OGFOD3: variants seen among roughly 807,000 people sequenced by gnomAD.
The protein encoded by OGFOD3 is 2-oxoglutarate and iron dependent oxygenase domain containing 3, also known as 2-oxoglutarate and iron-dependent oxygenase domain-containing protein 3.
A neutral mutation model predicts 39.8 loss-of-function variants in OGFOD3; 35 were observed. The observed-to-expected ratio is 0.88, with a 90% confidence interval of 0.67 to 1.17. The LOEUF (loss-of-function observed/expected upper bound fraction) is 1.17. Ranked by LOEUF, OGFOD3 falls within the 50% of genes most tolerant of loss-of-function variation. The pLI, the probability that OGFOD3 is intolerant of heterozygous loss-of-function variation, is 0.00. For missense variants in OGFOD3, 438 were observed against 454.5 expected, an observed-to-expected ratio of 0.96 and a Z score of 0.33; for synonymous variants, 200 against 192.0, an observed-to-expected ratio of 1.04 and a Z score of -0.34.
chr17:82,397,524 C>T (rs1293532381), intron 8 of OGFOD3, among the ~76,000 whole-genome samples: 5 of 151,972 alleles, frequency 3.3e-5, no homozygotes, highest in Admixed American at 6.6e-5. Context: ...GGGTCAGGGC[C>T]GTGGGCTCCA....
At chr17:82,418,391 C>T (rs761598896) in intron 1 of OGFOD3, 21 bp downstream of exon 1, 2 of 1,468,084 alleles carry the variant, frequency 1.4e-6, no homozygotes, top group Non-Finnish European at 1.8e-6. Flanking sequence ...CAGCGCGCGC[C>T]CTTCCCCTCC....
Position 82,415,476 on chromosome 17 carries a change from G to A in OGFOD3, c.226C>T (p.Arg76Cys), listed in dbSNP as rs892042575. 7 of 1,613,900 alleles carry A rather than the reference G, an allele frequency of 4.3e-6. No homozygotes were observed. The highest frequency in any genetic ancestry group is 1.6e-4 in the Middle Eastern group (1 of 6,062). ...CTCCCTGCCACGACCTCGCCACGGC[G>A]GGCCAGGACCTCTGCGACCCCGTCG... The part of the protein sequence containing the change: ...ADDGVAEVLA[R>C]RGEVVAGRFI... Residue 76 changes from arginine to cysteine, a missense_variant, in exon 2 of 9, where the codon CGC becomes TGC. By Grantham distance (180) the Arg-to-Cys change is radical (BLOSUM62 -3). Coordinates refer to ENST00000313056, the MANE Select transcript of OGFOD3 (RefSeq NM_024648.3). This position sits in a 1 kb window ranked among gnomAD's most constrained non-coding sequence, Gnocchi z 5.3.
chr17:82,400,527 GA>G (rs2052747890), intron 7 of OGFOD3, among the ~76,000 whole-genome samples: 1 of 152,212 alleles, frequency 6.6e-6, no homozygotes, highest in Non-Finnish European at 1.5e-5. Flanking sequence ...ACAACTGACA[GA>G]ATGCGGTATT....
chr17:82,394,492 G>A lies in OGFOD3; in HGVS notation c.824-1958C>T, dbSNP rs141341501. 4.3e-5 allele frequency: 70 copies of A among 1,613,744 alleles called. No individual in the cohort carries two copies. In the African/African-American group the frequency reaches 5.9e-4, roughly 14 times the overall value. On this transcript the variant is annotated intron_variant, in intron 8 of 8. Transcript: ENST00000313056. ...CGCACCAGCAGCTTCACTGGCTCTCGGTCCATTAACTTCTTGGAACCCACA... is the reference window on the plus strand; with the variant it reads ...CGCACCAGCAGCTTCACTGGCTCTCAGTCCATTAACTTCTTGGAACCCACA...
intron 5 of OGFOD3, among the ~76,000 whole-genome samples, 191 bp from the exon 6 acceptor site, chr17:82,405,571 C>A (rs1034144355): frequency 6.6e-6 from 1 of 152,104 alleles, no homozygotes; most frequent in African/African-American, 2.4e-5. Context: ...TCCCAGCACT[C>A]TGGGAGGCCG....
chr17:82,403,824 A>G lies in OGFOD3; in HGVS notation c.699+113T>C, dbSNP rs749252438. 84 of 1,340,492 alleles carry G rather than the reference A, an allele frequency of 6.3e-5. No individual in the cohort carries two copies. The Middle Eastern group carries it at 1.3e-3, about 20-fold the overall frequency. 83.0% of individuals were successfully genotyped at this position (1,340,492 alleles called of 1,614,324 possible). On this transcript the variant is annotated intron_variant, in intron 7 of 8. Transcript: ENST00000313056. Reference sequence around the variant, plus strand: ...GTACGCACTCACCCTGCCCACGGGCACGCTCACCTTGTCCACGAGCGCGCT... The same window carrying G: ...GTACGCACTCACCCTGCCCACGGGCGCGCTCACCTTGTCCACGAGCGCGCT...
intron 8 of OGFOD3, among the ~76,000 whole-genome samples, chr17:82,395,581 GGAGGCC>G (rs1224844269): frequency 2.6e-5 from 4 of 152,228 alleles, no homozygotes; most frequent in African/African-American, 9.6e-5. Context: ...CAGCACTTTG[GGAGGCC>G]GAGGCGGGTG....
At position 82,405,304 on chromosome 17, in the gene OGFOD3, C is replaced by A. The variant is rs756339395; in HGVS notation, c.545+20G>T. On this transcript the variant is annotated intron_variant, in intron 6 of 8. Coordinates refer to ENST00000313056, the MANE Select transcript of OGFOD3 (RefSeq NM_024648.3). ...AGGCCACCCCGCCTGCGAACCCCCA[C>A]CCGCCTCACTCCTCCTTACCGGTAT... 3 of 1,611,892 alleles carry A rather than the reference C, an allele frequency of 1.9e-6. No individual in the cohort carries two copies. Among genetic ancestry groups the A allele is most frequent in the Admixed American group, 1.7e-5 (1 of 59,954 alleles).
chr17:82,409,653 T>C (rs1368045244), intron 3 of OGFOD3, among the ~76,000 whole-genome samples: 1 of 152,210 alleles, frequency 6.6e-6, no homozygotes, highest in African/African-American at 2.4e-5. Flanking sequence ...CTTCAGCACC[T>C]TGGGAGGCCA....
Position 82,390,435 on chromosome 17 carries a change from G to A in OGFOD3, c.*1963C>T, listed in dbSNP as rs144970901. 2.6e-3 allele frequency: 399 copies of A among 152,516 alleles called. 1 individual carries two copies. The highest frequency in any genetic ancestry group is 0.014 in the Middle Eastern group (4 of 294). 9.4% of individuals were successfully genotyped at this position (152,516 alleles called of 1,614,324 possible). A position where few individuals can be genotyped will look rare whatever the true frequency, so the allele number is the denominator to read the frequency against. On this transcript the variant is annotated 3_prime_UTR_variant, in exon 9 of 9. Coordinates refer to ENST00000313056, the MANE Select transcript of OGFOD3 (RefSeq NM_024648.3). This position sits in a 1 kb window ranked among gnomAD's most constrained non-coding sequence, Gnocchi z 4.9. ...GTGAAGCAGCCGGCCCCGCAAGGAC[G>A]GCTTTGGCCACCAACCGGAGGTGGG...
Position 82,404,353 on chromosome 17 carries a change from T to G in OGFOD3, c.546-263A>C, listed in dbSNP as rs1388642120. 2.0e-5 allele frequency among the ~76,000 whole-genome samples: 3 copies of G among 152,140 alleles called. No individual in the cohort carries two copies. Among genetic ancestry groups the G allele is most frequent in the African/African-American group, 7.2e-5 (3 of 41,432 alleles). On this transcript the variant is annotated intron_variant, in intron 6 of 8. Transcript: ENST00000313056. This position sits in a 1 kb window ranked among gnomAD's most constrained non-coding sequence, Gnocchi z 4.5. ...AGAAGGGGGCCTGCAGGACCAACGC[T>G]GGGGAGGCTGGTGTGGAGTCAGGCC...
chr17:82,405,768 G>A (rs1056470610), intron 5 of OGFOD3, among the ~76,000 whole-genome samples: 6 of 152,032 alleles, frequency 3.9e-5, no homozygotes, highest in Admixed American at 6.6e-5. Flanking sequence ...TGGCCAACAT[G>A]GCACAACCCC....
intron 3 of OGFOD3, among the ~76,000 whole-genome samples, chr17:82,410,266 G>A (rs572994426): frequency 2.2e-4 from 34 of 152,346 alleles, no homozygotes; most frequent in Middle Eastern, 3.4e-3. Flanking sequence ...GTAACCCTGC[G>A]TGGAGCTAGG....
chr17:82,408,324 G>T (rs981922636), intron 4 of OGFOD3, among the ~76,000 whole-genome samples: 5 of 152,116 alleles, frequency 3.3e-5, no homozygotes, highest in African/African-American at 1.2e-4. Context: ...AATTCAAAGC[G>T]ATCACCAAAT....
chr17:82,401,144 CTTT>C (rs10711493), intron 7 of OGFOD3: 29 of 131,122 alleles, frequency 2.2e-4, no homozygotes, highest in East Asian at 6.6e-4. Context: ...TTGGGTTTAC[CTTT>C]TTTTTTTTTT....
chr17:82,403,827 C>T (rs2052805668), intron 7 of OGFOD3, 110 bp downstream of exon 7: 5 of 1,451,500 alleles, frequency 3.4e-6, no homozygotes, highest in Non-Finnish European at 4.7e-6. Context: ...CACGGGCACG[C>T]TCACCTTGTC....
At position 82,392,497 on chromosome 17, in the gene OGFOD3, T is replaced by C; in HGVS notation, c.861A>G (p.Leu287=). The C allele has an allele frequency of 6.2e-7, 1 of 1,603,970 alleles. No individual in the cohort carries two copies. The highest frequency in any genetic ancestry group is 8.5e-7 in the Non-Finnish European group (1 of 1,175,844). ...VSFFTSGSEN[L]HRVEKVHWGT... ...CCCAGTGGACCTTCTCCACGCGGTG[T>C]AGGTTCTCGGACCCCGAGGTGAAGA... is the stretch of plus-strand genomic sequence containing the variant. Residue 287 remains leucine (L), a synonymous_variant, in exon 9 of 9, where the codon CTA becomes CTG. Transcript: ENST00000313056. This position sits in a 1 kb window ranked among gnomAD's most constrained non-coding sequence, Gnocchi z 4.2.
rs1212497549 is a variant in OGFOD3 at position 82,390,171 on chromosome 17, C to A, written c.*2227G>T. 3 of 152,180 alleles carry A rather than the reference C, an allele frequency of 2.0e-5. No homozygotes were observed. The highest frequency in any genetic ancestry group is 4.4e-5 in the Non-Finnish European group (3 of 68,038). 9.4% of individuals were successfully genotyped at this position (152,180 alleles called of 1,614,324 possible). A position where few individuals can be genotyped will look rare whatever the true frequency, so the allele number is the denominator to read the frequency against. On this transcript the variant is annotated 3_prime_UTR_variant, in exon 9 of 9. Transcript: ENST00000313056. The surrounding 1 kb of genome is among the most constrained non-coding windows in gnomAD (Gnocchi z 4.9). ...AAAAGCACTTTAACCCATAACAAACCCAACACCCACTTTCTTCAAATGCAT... is the reference window on the plus strand; with the variant it reads ...AAAAGCACTTTAACCCATAACAAACACAACACCCACTTTCTTCAAATGCAT...
At chr17:82,416,802 C>G (rs1217201515) in intron 1 of OGFOD3, among the ~76,000 whole-genome samples, 1 of 152,092 alleles carries the variant, frequency 6.6e-6, no homozygotes, top group African/African-American at 2.4e-5. Context: ...TCCTAAGTAG[C>G]TAGGATTACA....
Sources: allele counts gnomAD v4.1 joint callset (sites outside exome capture counted in the v4.1 genomes callset), GRCh38; gene constraint gnomAD v4.1.1; non-coding constraint Gnocchi (gnomAD v3.1); transcripts MANE v1.5; gene names NCBI Gene and HGNC (gene_info 2026-07-23, HGNC 2026-07-21).